Variants in DLGAP2 observed in about 807,000 individuals in gnomAD.
DLGAP2 encodes the protein disks large-associated protein 2.
In DLGAP2, 26 loss-of-function variants were observed where a neutral mutation model predicts 100.3. That is an observed-to-expected ratio of 0.26 (90% CI 0.19 to 0.36). The LOEUF is 0.36. Ranked by LOEUF, DLGAP2 falls within the 10% of genes least tolerant of loss-of-function variation. DLGAP2 has a pLI of 1.00. For synonymous variants in DLGAP2, 886 were observed against 630.1 expected (o/e 1.41, Z -6.08); for missense variants, 1,858 against 1,453.2 (o/e 1.28, Z -4.53).
intron 2 of DLGAP2, among the ~76,000 whole-genome samples, chr8:951,167 C>T (rs938341922): frequency 6.6e-6 from 1 of 152,062 alleles, no homozygotes; most frequent in East Asian, 1.9e-4. Flanking sequence ...CCATTGTGTG[C>T]CTATACCATA....
intron 2 of DLGAP2, among the ~76,000 whole-genome samples, chr8:1,223,332 G>C (rs762986007): frequency 6.6e-6 from 1 of 152,302 alleles, no homozygotes; most frequent in Non-Finnish European, 1.5e-5. Context: ...GCTGGTCTCT[G>C]TGAGAAGCGC....
intron 6 of DLGAP2, among the ~76,000 whole-genome samples, chr8:1,587,173 A>C (rs897335068): frequency 6.6e-6 from 1 of 152,250 alleles, no homozygotes; most frequent in African/African-American, 2.4e-5. Flanking sequence ...GCAAAGCCTT[A>C]TCCCAAATAC....
At chr8:1,276,522 C>T (rs1044811677) in intron 3 of DLGAP2, among the ~76,000 whole-genome samples, 1 of 152,082 alleles carries the variant, frequency 6.6e-6, no homozygotes, top group African/African-American at 2.4e-5. Context: ...TTCACATGTT[C>T]GGCCTTTGCT....
intron 2 of DLGAP2, among the ~76,000 whole-genome samples, chr8:966,009 C>T (rs1262595725): frequency 6.6e-6 from 1 of 152,216 alleles, no homozygotes; most frequent in African/African-American, 2.4e-5. Flanking sequence ...CGGGGACTCT[C>T]AGCTCTGCCG....
chr8:1,426,384 G>T (rs1797237196), intron 3 of DLGAP2, among the ~76,000 whole-genome samples: 1 of 152,172 alleles, frequency 6.6e-6, no homozygotes, highest in Non-Finnish European at 1.5e-5. Flanking sequence ...CATGGCCAAG[G>T]AATACAAACA....
chr8:1,370,193 G>A (rs997948872), intron 3 of DLGAP2, among the ~76,000 whole-genome samples: 5 of 152,268 alleles, frequency 3.3e-5, no homozygotes, highest in African/African-American at 1.2e-4. Flanking sequence ...AGTGTCCTCA[G>A]CACTGCCCTT....
intron 2 of DLGAP2, among the ~76,000 whole-genome samples, chr8:1,060,184 G>A (rs1475652411): frequency 1.3e-5 from 2 of 152,206 alleles, no homozygotes; most frequent in African/African-American, 4.8e-5. Context: ...CGTGGCCACC[G>A]TCATGAAGAC....
chr8:1,428,080 G>T (rs998992291), intron 3 of DLGAP2, among the ~76,000 whole-genome samples: 1 of 151,310 alleles, frequency 6.6e-6, no homozygotes, highest in African/African-American at 2.4e-5. Context: ...AAATGAGCTA[G>T]AAAAAGAACA....
rs1444720449 is a variant in DLGAP2 at position 1,701,795 on chromosome 8, T to G, written c.*389T>G. 4.8e-6 allele frequency: 1 copy of G among 206,466 alleles called. No homozygotes were observed. The highest frequency in any genetic ancestry group is 9.6e-6 in the Non-Finnish European group (1 of 104,462). The allele number at this position is 206,466 out of a possible 1,614,324, so 12.8% of individuals were successfully genotyped here. A position where few individuals can be genotyped will look rare whatever the true frequency, so the allele number is the denominator to read the frequency against. On this transcript the variant is annotated 3_prime_UTR_variant, in exon 15 of 15. Transcript: ENST00000637795. ...GATAATTAGAGGTAAGAATAACAAG[T>G]AACTATAAACGGGTGCATCCCACCA...
intron 1 of DLGAP2, among the ~76,000 whole-genome samples, chr8:907,324 T>C (rs1285038498): frequency 6.6e-6 from 1 of 152,252 alleles, no homozygotes; most frequent in African/African-American, 2.4e-5. Context: ...GTGTGTGCTT[T>C]GCAATTTGTT....
At chr8:1,579,117 G>T (rs781536781) in intron 6 of DLGAP2, among the ~76,000 whole-genome samples, 1 of 152,118 alleles carries the variant, frequency 6.6e-6, no homozygotes, top group Non-Finnish European at 1.5e-5. Flanking sequence ...TCATTTGGAG[G>T]CCTTTGCTTT....
intron 2 of DLGAP2, among the ~76,000 whole-genome samples, chr8:969,574 A>T (rs1178554230): frequency 1.3e-5 from 2 of 151,940 alleles, no homozygotes; most frequent in African/African-American, 4.8e-5. Flanking sequence ...TTAAATAATT[A>T]TATTACCAAC....
At chr8:1,683,856 A>ATATATATATGTG (rs1467438870) in intron 12 of DLGAP2, among the ~76,000 whole-genome samples, 1 of 62,228 alleles carries the variant, frequency 1.6e-5, no homozygotes, top group Non-Finnish European at 2.7e-5. Context: ...ATATATATAT[A>ATATATATATGTG]TGTGTGTGTG....
chr8:1,491,947 G>A (rs1362230695), intron 3 of DLGAP2, among the ~76,000 whole-genome samples: 3 of 152,224 alleles, frequency 2.0e-5, no homozygotes, highest in Non-Finnish European at 2.9e-5. Flanking sequence ...ACGCGAGGGG[G>A]TGACGAGTGC....
At chr8:1,627,845 T>C (rs1335832190) in intron 7 of DLGAP2, among the ~76,000 whole-genome samples, 1 of 151,916 alleles carries the variant, frequency 6.6e-6, no homozygotes, top group Non-Finnish European at 1.5e-5. Flanking sequence ...ATTAAGAGCC[T>C]GAGCCGACCT....
At chr8:1,570,465 C>G (rs1261391388) in intron 6 of DLGAP2, among the ~76,000 whole-genome samples, 1 of 152,256 alleles carries the variant, frequency 6.6e-6, no homozygotes, top group Non-Finnish European at 1.5e-5. Context: ...ACATGTTCTC[C>G]TAATCCAATT....
intron 3 of DLGAP2, among the ~76,000 whole-genome samples, chr8:1,379,988 C>A (rs1297725205): frequency 6.6e-6 from 1 of 151,928 alleles, no homozygotes; most frequent in Non-Finnish European, 1.5e-5. Context: ...GTGCTCTCTT[C>A]AATTCTCTTC....
intron 8 of DLGAP2, among the ~76,000 whole-genome samples, chr8:1,654,739 T>C (rs1485294580): frequency 6.6e-6 from 1 of 152,180 alleles, no homozygotes. Flanking sequence ...CAAACTATGT[T>C]GCTGATATGT....
chr8:1,648,013 C>T (rs546668079), intron 8 of DLGAP2, among the ~76,000 whole-genome samples: 1 of 152,340 alleles, frequency 6.6e-6, no homozygotes, highest in African/African-American at 2.4e-5. Context: ...GTCATCTCTT[C>T]CACATTTCAT....
Sources: gnomAD v4.1 joint callset for allele counts (sites outside exome capture counted in the v4.1 genomes callset) on GRCh38, gnomAD v4.1.1 for gene constraint, MANE v1.5 for transcripts, NCBI Gene and HGNC (gene_info 2026-07-23, HGNC 2026-07-21) for gene names.